AMBRA1: variants seen among roughly 807,000 people sequenced by gnomAD.
AMBRA1 encodes activating molecule in BECN1-regulated autophagy protein 1.
In AMBRA1, 47 loss-of-function variants were observed where a neutral mutation model predicts 125.4. The observed-to-expected ratio is 0.37, with a 90% CI of 0.30 to 0.48. The LOEUF (loss-of-function observed/expected upper bound fraction) is 0.48, where lower values mean the gene tolerates loss of function less well. AMBRA1 is among the 20% of genes least tolerant of loss of function. The pLI is 0.99. For synonymous variants in AMBRA1, 626 were observed against 655.5 expected, an observed-to-expected ratio of 0.95 and a Z score of 0.69; for missense variants, 1,331 against 1,693.4, an observed-to-expected ratio of 0.79 and a Z score of 3.76.
At chr11:46,451,020 A>G (rs1452355252) in intron 11 of AMBRA1, among the ~76,000 whole-genome samples, 2 of 152,192 alleles carry the variant, frequency 1.3e-5, no homozygotes, top group Non-Finnish European at 2.9e-5. Flanking sequence ...AACCTAAAAA[A>G]GAGGGAGGGG....
chr11:46,562,195 AG>A (rs2043361054), intron 1 of AMBRA1, among the ~76,000 whole-genome samples: 1 of 152,224 alleles, frequency 6.6e-6, no homozygotes, highest in Non-Finnish European at 1.5e-5. Flanking sequence ...ATCTTGAAAT[AG>A]AAACCTTGAG....
chr11:46,572,135 T>C (rs1375166894), intron 1 of AMBRA1, among the ~76,000 whole-genome samples: 1 of 152,142 alleles, frequency 6.6e-6, no homozygotes. Flanking sequence ...ATGCCGTCTC[T>C]ACCGAAAATA....
At chr11:46,585,807 AT>A (rs147076863) in intron 1 of AMBRA1, among the ~76,000 whole-genome samples, 26,874 of 135,346 alleles carry the variant, frequency 0.2, 2,897 homozygotes, top group African/African-American at 0.28. Context: ...AATAACAATA[AT>A]TTTTTTTTTC....
At chr11:46,496,656 G>A (rs1950640290) in intron 9 of AMBRA1, among the ~76,000 whole-genome samples, 1 of 152,182 alleles carries the variant, frequency 6.6e-6, no homozygotes, top group African/African-American at 2.4e-5. Context: ...ACAGAGCTTG[G>A]TGAAAGAACA....
intron 15 of AMBRA1, 40 bp from the exon 16 acceptor site, chr11:46,410,408 G>A (rs1163643884): frequency 3.9e-6 from 6 of 1,547,604 alleles, no homozygotes; most frequent in Admixed American, 1.7e-5. Flanking sequence ...AAGGTGAAAG[G>A]CATTAGAGAG....
At chr11:46,525,084 G>A (rs1204284264) in intron 7 of AMBRA1, among the ~76,000 whole-genome samples, 1 of 152,014 alleles carries the variant, frequency 6.6e-6, no homozygotes, top group East Asian at 1.9e-4. Context: ...AGGATACCTT[G>A]AGCCCAGGAG....
chr11:46,479,151 T>C (rs181152433), intron 11 of AMBRA1, among the ~76,000 whole-genome samples: 1 of 151,344 alleles, frequency 6.6e-6, no homozygotes, highest in Admixed American at 6.6e-5. Context: ...TGAGCTGTAA[T>C]CAAACCACTG....
intron 11 of AMBRA1, among the ~76,000 whole-genome samples, chr11:46,474,471 C>T (rs967717959): frequency 6.6e-6 from 1 of 152,130 alleles, no homozygotes; most frequent in Non-Finnish European, 1.5e-5. Context: ...TCACTGCAAC[C>T]TCCACCTCCC....
intron 7 of AMBRA1, among the ~76,000 whole-genome samples, chr11:46,541,200 C>A (rs1036891205): frequency 6.6e-6 from 1 of 152,094 alleles, no homozygotes; most frequent in South Asian, 2.1e-4. Flanking sequence ...ATATGGTGGG[C>A]GATCAACTAC....
At chr11:46,581,991 C>T (rs2044191094) in intron 1 of AMBRA1, among the ~76,000 whole-genome samples, 2 of 151,538 alleles carry the variant, frequency 1.3e-5, no homozygotes, top group African/African-American at 4.8e-5. Flanking sequence ...TGGTGGGTGC[C>T]TGTAGTCCCA....
At chr11:46,526,547 T>TA (rs79918375) in intron 7 of AMBRA1, among the ~76,000 whole-genome samples, 1,371 of 110,988 alleles carry the variant, frequency 0.012, 15 homozygotes, top group African/African-American at 0.04. Flanking sequence ...AAATTAAAAT[T>TA]AAAAAAAAAA....
chr11:46,527,858 G>A (rs1407443653), intron 7 of AMBRA1, among the ~76,000 whole-genome samples: 1 of 152,086 alleles, frequency 6.6e-6, no homozygotes, highest in Admixed American at 6.5e-5. Flanking sequence ...ACTGTTGGTA[G>A]GATTGTAAAA....
Position 46,396,588 on chromosome 11 carries a change from C to T in AMBRA1, c.*862G>A, listed in dbSNP as rs1445315194. The T allele has an allele frequency of 1.3e-5, 2 of 152,654 alleles. No individual in the cohort carries two copies. The highest frequency in any genetic ancestry group is 3.8e-4 in the East Asian group (2 of 5,204). The allele number at this position is 152,654 out of a possible 1,614,324, so 9.5% of individuals were successfully genotyped here. On this transcript the variant is annotated 3_prime_UTR_variant, in exon 18 of 18. Coordinates refer to ENST00000683756, the MANE Select transcript of AMBRA1 (RefSeq NM_001387011.1). ...GCCTTGATTTCTCCACTAGAAACTA[C>T]ACGTACAGTTAAGAGTCCACATGCA...
intron 1 of AMBRA1, among the ~76,000 whole-genome samples, chr11:46,580,138 G>A (rs549736205): frequency 6.6e-6 from 1 of 152,278 alleles, no homozygotes; most frequent in African/African-American, 2.4e-5. Context: ...AATCATCAAT[G>A]ATCTCTGTGC....
At chr11:46,457,132 G>A (rs1439419565) in intron 11 of AMBRA1, among the ~76,000 whole-genome samples, 3 of 152,160 alleles carry the variant, frequency 2.0e-5, no homozygotes, top group East Asian at 3.9e-4. Context: ...GAGTCAGTTG[G>A]GGCCAACATG....
rs143065963 is a variant in AMBRA1, at chr11:46,438,990, A to G, written c.2633-3953T>C. Among the ~76,000 whole-genome samples the G allele has an allele frequency of 1.2e-4, 18 of 152,302 alleles. No homozygotes were observed. In the East Asian group the frequency reaches 3.5e-3, roughly 29 times the overall value. On this transcript the variant is annotated intron_variant, in intron 12 of 17. Transcript: ENST00000683756. ...GTTGCTGAACTCATCAGTAAAACAC[A>G]GAATCAGGCTGGGCTCACACCTGTA... is the stretch of plus-strand genomic sequence containing the variant.
intron 11 of AMBRA1, among the ~76,000 whole-genome samples, chr11:46,490,705 A>G (rs1351851029): frequency 6.6e-6 from 1 of 152,176 alleles, no homozygotes; most frequent in African/African-American, 2.4e-5. Flanking sequence ...GCCATTCACC[A>G]TGCAAAAGTT....
intron 3 of AMBRA1, 137 bp from the exon 4 acceptor site, chr11:46,547,433 G>T: frequency 1.3e-6 from 1 of 742,952 alleles, no homozygotes; most frequent in Non-Finnish European, 2.1e-6. Context: ...ATGTTAGGCA[G>T]TATATCTACA....
chr11:46,397,697 T>C lies in AMBRA1; in HGVS notation c.3650A>G (p.Glu1217Gly), dbSNP rs554226184. The C allele has an allele frequency of 2.5e-6, 4 of 1,612,972 alleles. No homozygotes were observed. In the African/African-American group the frequency reaches 4.0e-5, roughly 16 times the overall value. The change falls in exon 18 of 18, where the codon GAG becomes GGG. Residue 1217 changes from glutamate (E) to glycine (G), a missense_variant. Glu to Gly is a moderately conservative substitution (Grantham distance 98, BLOSUM62 -2). This residue lies in a region of AMBRA1 where 144 missense variants were observed against 133.9 expected (regional missense o/e 1.08). Coordinates refer to ENST00000683756, the MANE Select transcript of AMBRA1 (RefSeq NM_001387011.1). ...QPSTSRGLLPEAGQLAERGLS... is the reference protein window; with the variant it reads ...QPSTSRGLLPGAGQLAERGLS... Reference sequence around the variant, plus strand: ...GCCTCGCTCTGCCAGTTGCCCGGCCTCTGGGAGCAGTCCCCGAGAGGTGGA... The same window carrying C: ...GCCTCGCTCTGCCAGTTGCCCGGCCCCTGGGAGCAGTCCCCGAGAGGTGGA...
Sources: allele counts gnomAD v4.1 joint callset (sites outside exome capture counted in the v4.1 genomes callset), GRCh38; gene constraint gnomAD v4.1.1; regional missense constraint gnomAD v4.1.1; transcripts MANE v1.5; gene names NCBI Gene and HGNC (gene_info 2026-07-23, HGNC 2026-07-21).